Variants in STOX2 observed in about 807,000 individuals in gnomAD.
The protein encoded by STOX2 is storkhead box 2.
Under a neutral mutation model 60.9 loss-of-function variants are expected in STOX2, and 28 were observed. The observed-to-expected ratio is 0.46, with a 90% CI of 0.34 to 0.63. STOX2 has a LOEUF of 0.63. STOX2 is among the 30% of genes least tolerant of loss of function. The probability of loss-of-function intolerance (pLI) is 0.01; values close to 1 mark genes in which losing one functional copy is unlikely to be tolerated. For synonymous variants in STOX2, 472 were observed against 463.9 expected (o/e 1.02, Z -0.22); for missense variants, 1,024 against 1,187.7 (o/e 0.86, Z 2.03).
At chr4:183,812,818 C>T (rs1372411183) in intron 1 of STOX2, among the ~76,000 whole-genome samples, 1 of 152,156 alleles carries the variant, frequency 6.6e-6, no homozygotes, top group East Asian at 1.9e-4. Context: ...GAATGCAGCC[C>T]TTTGTAACAC....
At chr4:183,975,222 C>T (rs1195897588) in intron 1 of STOX2, among the ~76,000 whole-genome samples, 2 of 151,754 alleles carry the variant, frequency 1.3e-5, no homozygotes, top group East Asian at 1.9e-4. Flanking sequence ...ATTAAACCCT[C>T]ATATTAGAAA....
rs561899907 is a variant in STOX2, at chr4:183,862,637, C to T, written c.364+64582C>T. 3.3e-5 allele frequency among the ~76,000 whole-genome samples: 5 copies of T among 152,284 alleles called. No homozygotes were observed. The East Asian group carries it at 5.8e-4, about 18-fold the overall frequency. ...GGCCCCTGGGCGGGAGAGGCTGGCACGCATTTGAGTGGCAAGAAGAAGCCA... is the reference window on the plus strand; with the variant it reads ...GGCCCCTGGGCGGGAGAGGCTGGCATGCATTTGAGTGGCAAGAAGAAGCCA... On this transcript the variant is annotated intron_variant, in intron 1 of 2. Transcript: ENST00000513034.
chr4:184,022,832 A>G lies in STOX2; in HGVS notation c.*5548A>G, dbSNP rs187758037. ...ACTGACACACCGCCACGGTTTCCACATTGGAAGGGCAGAACACTGTGCAGT... is the reference window on the plus strand; with the variant it reads ...ACTGACACACCGCCACGGTTTCCACGTTGGAAGGGCAGAACACTGTGCAGT... On this transcript the variant is annotated 3_prime_UTR_variant, in exon 4 of 4. Transcript: ENST00000308497. 6.6e-6 allele frequency: 1 copy of G among 152,030 alleles called. No individual in the cohort carries two copies. Among genetic ancestry groups the G allele is most frequent in the South Asian group, 2.1e-4 (1 of 4,794 alleles). 9.4% of individuals were successfully genotyped at this position (152,030 alleles called of 1,614,324 possible).
intron 1 of STOX2, among the ~76,000 whole-genome samples, chr4:183,973,761 C>T (rs760656889): frequency 9.2e-5 from 14 of 152,130 alleles, no homozygotes; most frequent in Admixed American, 2.6e-4. Flanking sequence ...TTTGGGAGGC[C>T]GAGGTGGGTG....
intron 1 of STOX2, among the ~76,000 whole-genome samples, chr4:183,940,348 A>G (rs1270633276): frequency 6.6e-6 from 1 of 152,266 alleles, no homozygotes; most frequent in East Asian, 1.9e-4. Context: ...TGAGACCCAA[A>G]CGACTAAGCA....
At chr4:183,999,353 G>A (rs1245710732) in intron 1 of STOX2, among the ~76,000 whole-genome samples, 1 of 152,172 alleles carries the variant, frequency 6.6e-6, no homozygotes, top group South Asian at 2.1e-4. Context: ...ATTTTTCTGA[G>A]GGTGTCTCTT....
intron 1 of STOX2, among the ~76,000 whole-genome samples, chr4:183,878,948 T>A (rs1740892565): frequency 6.6e-6 from 1 of 151,718 alleles, no homozygotes. Flanking sequence ...TTTTTTTTTT[T>A]AGGTCTAAAC....
In STOX2 at chr4:183,806,327, G is replaced by A. The variant is rs1383188419; in HGVS notation, c.364+8272G>A. On this transcript the variant is annotated intron_variant, in intron 1 of 2. Coordinates refer to the STOX2 transcript ENST00000513034. The surrounding 1 kb of genome is among the most constrained non-coding windows in gnomAD (Gnocchi z 4.1). ...AACGTACGTTTGGGAAGCACATGAT[G>A]TCCCTTAGTCTAGCTCTCTGGCATG... 6.6e-6 allele frequency among the ~76,000 whole-genome samples: 1 copy of A among 152,170 alleles called. No homozygotes were observed. Among genetic ancestry groups the A allele is most frequent in the Non-Finnish European group, 1.5e-5 (1 of 68,038 alleles).
intron 1 of STOX2, among the ~76,000 whole-genome samples, chr4:183,952,214 CT>C (rs1448225881): frequency 6.6e-6 from 1 of 152,188 alleles, no homozygotes; most frequent in East Asian, 1.9e-4. Context: ...CCACATGCTA[CT>C]TTTTTTATGG....
At chr4:183,854,057 T>C (rs1740230024) in intron 1 of STOX2, among the ~76,000 whole-genome samples, 1 of 152,244 alleles carries the variant, frequency 6.6e-6, no homozygotes, top group South Asian at 2.1e-4. Flanking sequence ...ATACCAGGCC[T>C]TCATACTTCC....
intron 1 of STOX2, among the ~76,000 whole-genome samples, chr4:183,801,583 C>T (rs1356431921): frequency 6.6e-6 from 1 of 152,096 alleles, no homozygotes; most frequent in Non-Finnish European, 1.5e-5. Flanking sequence ...GGGGAGGTTT[C>T]CCAGGTATGA....
At chr4:183,993,329 G>A (rs1282341796) in intron 1 of STOX2, among the ~76,000 whole-genome samples, 1 of 152,224 alleles carries the variant, frequency 6.6e-6, no homozygotes, top group Non-Finnish European at 1.5e-5. Context: ...TCACATAGTG[G>A]CATTAGACAG....
Position 183,856,885 on chromosome 4 carries a change from C to T in STOX2, c.364+58830C>T, listed in dbSNP as rs1203803092. On this transcript the variant is annotated intron_variant, in intron 1 of 2. Transcript: ENST00000513034. This position sits in a 1 kb window ranked among gnomAD's most constrained non-coding sequence, Gnocchi z 4.0. ...GCTACCAAGTCTTATTGAGAATTTA[C>T]TTTGGAAAGTCCTGGAGATTTGGTC... Among the ~76,000 whole-genome samples the T allele has an allele frequency of 1.3e-5, 2 of 152,098 alleles. No individual in the cohort carries two copies. The highest frequency in any genetic ancestry group is 2.4e-5 in the African/African-American group (1 of 41,426).
rs566348231 is a variant in STOX2 at position 183,837,460 on chromosome 4, C to CT, written c.364+39417dup. Reference sequence around the variant, plus strand: ...CAGCATGCTATTTTCAGAGTCCGTGCTTTTTTTTTTTTCTTTGAGATAGAG... The same window carrying CT: ...CAGCATGCTATTTTCAGAGTCCGTGCTTTTTTTTTTTTTCTTTGAGATAGAG... On this transcript the variant is annotated intron_variant, in intron 1 of 2. Coordinates refer to the STOX2 transcript ENST00000513034. Among the ~76,000 whole-genome samples the CT allele has an allele frequency of 1.9e-3, 279 of 144,688 alleles. 1 individual carries two copies. The highest frequency in any genetic ancestry group is 0.018 in the Middle Eastern group (5 of 280). 94.9% of individuals were successfully genotyped at this position (144,688 alleles called of 152,430 possible).
At chr4:183,801,217 A>G (rs1738757092) in intron 1 of STOX2, among the ~76,000 whole-genome samples, 1 of 152,222 alleles carries the variant, frequency 6.6e-6, no homozygotes, top group Non-Finnish European at 1.5e-5. Context: ...TTCACTACTT[A>G]GAAATAACCT....
chr4:184,008,556 C>T (rs1476391791), intron 2 of STOX2, among the ~76,000 whole-genome samples: 2 of 152,206 alleles, frequency 1.3e-5, no homozygotes, highest in Non-Finnish European at 2.9e-5. Flanking sequence ...GGGCTGCAGT[C>T]AGTTTCCAAA....
intron 1 of STOX2, among the ~76,000 whole-genome samples, chr4:183,978,761 A>T (rs762292136): frequency 6.6e-6 from 1 of 152,204 alleles, no homozygotes; most frequent in Non-Finnish European, 1.5e-5. Context: ...TGGCAAAATG[A>T]TAAGGAAAAA....
At chr4:183,833,622 A>G (rs1375609882) in intron 1 of STOX2, among the ~76,000 whole-genome samples, 2 of 149,802 alleles carry the variant, frequency 1.3e-5, no homozygotes, top group Non-Finnish European at 2.9e-5. Flanking sequence ...AGGCTTTTAT[A>G]TTTCTGCAGG....
chr4:183,983,798 T>G (rs557375473), intron 1 of STOX2, among the ~76,000 whole-genome samples: 2 of 152,328 alleles, frequency 1.3e-5, no homozygotes, highest in African/African-American at 4.8e-5. Flanking sequence ...AATTGATTAA[T>G]TTTTAGAGAA....
Sources: allele counts gnomAD v4.1 joint callset (sites outside exome capture counted in the v4.1 genomes callset), GRCh38; gene constraint gnomAD v4.1.1; non-coding constraint Gnocchi (gnomAD v3.1); transcripts MANE v1.5; gene names NCBI Gene and HGNC (gene_info 2026-07-23, HGNC 2026-07-21).